VPS53: variants seen among roughly 807,000 people sequenced by gnomAD.
VPS53 encodes the protein vacuolar protein sorting-associated protein 53 homolog.
VPS53 carries 70 observed loss-of-function variants against 107.0 expected under a neutral mutation model. That is an observed-to-expected ratio of 0.65 (90% CI 0.54 to 0.80). The LOEUF (loss-of-function observed/expected upper bound fraction) is 0.80. Ranked by LOEUF, VPS53 falls within the 30% of genes least tolerant of loss-of-function variation. VPS53 has a pLI of 0.00. For synonymous variants in VPS53, 409 were observed against 393.3 expected (o/e 1.04, Z -0.47); for missense variants, 917 against 1,049.4 (o/e 0.87, Z 1.74).
At chr17:603,020 A>T (rs766643471) in intron 11 of VPS53, among the ~76,000 whole-genome samples, 17 of 152,208 alleles carry the variant, frequency 1.1e-4, no homozygotes, top group Non-Finnish European at 2.2e-4. Flanking sequence ...CCAGTGGGTC[A>T]ATCTGAATTA....
intron 4 of VPS53, among the ~76,000 whole-genome samples, chr17:687,559 A>G (rs1444467644): frequency 6.7e-6 from 1 of 149,356 alleles, no homozygotes; most frequent in Non-Finnish European, 1.5e-5. Context: ...CTGGAGAGAG[A>G]GCAAGACTCA....
At chr17:629,806 AAACCACACACAC>A in intron 8 of VPS53, among the ~76,000 whole-genome samples, 1 of 80,156 alleles carries the variant, frequency 1.2e-5, no homozygotes, top group East Asian at 3.3e-4. Context: ...AACAAAAAAA[AAACCACACACAC>A]ACACACACAC....
chr17:683,895 T>G (rs1972491105), intron 4 of VPS53, among the ~76,000 whole-genome samples: 1 of 152,206 alleles, frequency 6.6e-6, no homozygotes, highest in Admixed American at 6.5e-5. Flanking sequence ...TTTTTAAAAT[T>G]TATTTTTAAT....
At chr17:686,090 G>A (rs1040636588) in intron 4 of VPS53, among the ~76,000 whole-genome samples, 7 of 151,996 alleles carry the variant, frequency 4.6e-5, no homozygotes, top group African/African-American at 1.7e-4. Flanking sequence ...AAGCGTAGGT[G>A]GGAGGATCAC....
Position 513,363 on chromosome 17 carries a change from G to A in VPS53, c.*5765C>T, listed in dbSNP as rs1908069523. 1 of 152,194 alleles carries A rather than the reference G, an allele frequency of 6.6e-6. No individual in the cohort carries two copies. The highest frequency in any genetic ancestry group is 1.5e-5 in the Non-Finnish European group (1 of 68,044). The allele number at this position is 152,194 out of a possible 1,614,324, so 9.4% of individuals were successfully genotyped here. ...TTAAGGAAATTTATATCTCCCAAAG[G>A]TGTAGAACTTCGAGGGTCCAAGAGG... On this transcript the variant is annotated 3_prime_UTR_variant, in exon 22 of 22. Coordinates refer to ENST00000437048, the MANE Select transcript of VPS53 (RefSeq NM_001128159.3).
intron 12 of VPS53, 70 bp downstream of exon 12, chr17:601,725 G>A (rs1968333413): frequency 8.7e-6 from 11 of 1,261,562 alleles, no homozygotes; most frequent in Non-Finnish European, 1.2e-5. Context: ...GATCGTATCT[G>A]GAGCAAGCAG....
At chr17:628,383 T>C in intron 8 of VPS53, 152 bp from the exon 9 acceptor site, 1 of 907,926 alleles carries the variant, frequency 1.1e-6, no homozygotes, top group South Asian at 1.7e-5. Flanking sequence ...ATCTGTCAGT[T>C]ACCTGCTGCT....
intron 5 of VPS53, 125 bp downstream of exon 5, chr17:661,684 G>C (rs1597454083): frequency 5.8e-6 from 5 of 856,376 alleles, no homozygotes. Flanking sequence ...GCTTGCTTTA[G>C]AGATGCAGAT....
chr17:519,687 T>A lies in VPS53; in HGVS notation c.2328+139A>T. 1.4e-6 allele frequency: 1 copy of A among 704,970 alleles called. No individual in the cohort carries two copies. The highest frequency in any genetic ancestry group is 2.4e-6 in the Non-Finnish European group (1 of 412,092). 43.7% of individuals were successfully genotyped at this position (704,970 alleles called of 1,614,324 possible). Reference sequence around the variant, plus strand: ...GGGGCCATCCTCCTCCAGAGGCTTCTCTGAATCCGGTTTGCTCTGTGGAGC... The same window carrying A: ...GGGGCCATCCTCCTCCAGAGGCTTCACTGAATCCGGTTTGCTCTGTGGAGC... On this transcript the variant is annotated intron_variant, in intron 21 of 21. Coordinates refer to ENST00000437048, the MANE Select transcript of VPS53 (RefSeq NM_001128159.3). This position sits in a 1 kb window ranked among gnomAD's most constrained non-coding sequence, Gnocchi z 5.0.
intron 14 of VPS53, among the ~76,000 whole-genome samples, chr17:561,809 T>A (rs1913026566): frequency 1.3e-5 from 2 of 152,136 alleles, no homozygotes; most frequent in African/African-American, 4.8e-5. Context: ...TTTGTATTTT[T>A]AGTAGAGATG....
At position 601,779 on chromosome 17, in the gene VPS53, C is replaced by T. The variant is rs201167971; in HGVS notation, c.1218+16G>A. ...ACATTGGGTAGGTTACCCGTGGTGA[C>T]GCAAACCAGACTTACTTGATCTAAA... On this transcript the variant is annotated intron_variant, in intron 12 of 21. Transcript: ENST00000437048. The T allele has an allele frequency of 2.0e-5, 31 of 1,573,908 alleles. No homozygotes were observed. Among genetic ancestry groups the T allele is most frequent in the African/African-American group, 5.4e-5 (4 of 73,444 alleles).
chr17:608,476 A>T (rs1428391928), intron 11 of VPS53, among the ~76,000 whole-genome samples: 1 of 152,162 alleles, frequency 6.6e-6, no homozygotes, highest in African/African-American at 2.4e-5. Context: ...TCAAAAATAT[A>T]CCCCAAAGAA....
intron 13 of VPS53, 131 bp downstream of exon 13, chr17:586,139 G>A (rs1766385608): frequency 1.4e-6 from 1 of 721,546 alleles, no homozygotes; most frequent in African/African-American, 1.8e-5. Flanking sequence ...CCCCTAATGG[G>A]TTTCTAGGGA....
intron 10 of VPS53, among the ~76,000 whole-genome samples, chr17:625,122 G>A (rs1464876283): frequency 6.6e-6 from 1 of 151,790 alleles, no homozygotes; most frequent in Non-Finnish European, 1.5e-5. Context: ...TCTAGTAGCT[G>A]GGATTACAGG....
chr17:712,068 G>C (rs532254795), intron 1 of VPS53, among the ~76,000 whole-genome samples: 1 of 151,696 alleles, frequency 6.6e-6, no homozygotes, highest in Non-Finnish European at 1.5e-5. Context: ...CACCCGCCTC[G>C]GCCTCCCAAA....
chr17:672,578 T>G (rs1302868345), intron 4 of VPS53, among the ~76,000 whole-genome samples: 1 of 152,168 alleles, frequency 6.6e-6, no homozygotes, highest in African/African-American at 2.4e-5. Flanking sequence ...GCAGGCAGAC[T>G]CAGAAGAACG....
intron 7 of VPS53, among the ~76,000 whole-genome samples, chr17:642,872 G>A (rs369149766): frequency 1.4e-5 from 2 of 139,334 alleles, no homozygotes; most frequent in Admixed American, 7.1e-5. Flanking sequence ...CTTGGAAATC[G>A]AGGACAACAC....
chr17:598,587 G>T (rs1968120070), intron 12 of VPS53, among the ~76,000 whole-genome samples: 1 of 149,950 alleles, frequency 6.7e-6, no homozygotes, highest in South Asian at 2.1e-4. Flanking sequence ...CATTGTCTGA[G>T]ATGTGGGGAG....
rs1908959414 is a variant in VPS53 at position 524,273 on chromosome 17, AAAAT to A, written c.2086-2539_2086-2536del. 6.6e-6 allele frequency among the ~76,000 whole-genome samples: 1 copy of A among 152,172 alleles called. No homozygotes were observed. The highest frequency in any genetic ancestry group is 2.4e-5 in the African/African-American group (1 of 41,448). ...TGACAGAACAAGACACTGTCTCAAAAAAATAAATACATAAAAAATAAAAAATAAA... is the reference window on the plus strand; with the variant it reads ...TGACAGAACAAGACACTGTCTCAAAAAAATACATAAAAAATAAAAAATAAA... On this transcript the variant is annotated intron_variant, in intron 19 of 21. Coordinates refer to ENST00000437048, the MANE Select transcript of VPS53 (RefSeq NM_001128159.3). The surrounding 1 kb of genome is among the most constrained non-coding windows in gnomAD (Gnocchi z 4.5).
Sources: allele counts gnomAD v4.1 joint callset (sites outside exome capture counted in the v4.1 genomes callset), GRCh38; gene constraint gnomAD v4.1.1; non-coding constraint Gnocchi (gnomAD v3.1); transcripts MANE v1.5; gene names NCBI Gene and HGNC (gene_info 2026-07-23, HGNC 2026-07-21).